The following PSPC1 variants were observed in gnomAD, a reference collection of about 807,000 sequenced individuals.
The protein encoded by PSPC1 is paraspeckle component 1.
A neutral mutation model predicts 51.6 loss-of-function variants in PSPC1; 14 were observed. That is an observed-to-expected ratio of 0.27 (90% confidence interval 0.18 to 0.42). The LOEUF is 0.42. Among genes scored for constraint, PSPC1 ranks in the 10% least tolerant of loss-of-function variants. PSPC1 has a pLI of 1.00. For missense variants in PSPC1, 406 were observed against 701.1 expected (o/e 0.58, Z 4.75); for synonymous variants, 193 against 231.9 (o/e 0.83, Z 1.53).
intron 6 of PSPC1, among the ~76,000 whole-genome samples, chr13:19,694,182 C>CAT (rs1290510885): frequency 1.4e-5 from 2 of 138,434 alleles, no homozygotes; most frequent in African/African-American, 5.8e-5. Context: ...CACACATACA[C>CAT]ACACACACAC....
chr13:19,751,177 C>G, intron 4 of PSPC1, 94 bp downstream of exon 4: 1 of 1,018,110 alleles, frequency 9.8e-7, no homozygotes, highest in East Asian at 2.9e-5. Context: ...CCTCTAAACT[C>G]CTAAATGGCA....
At chr13:19,672,546 T>G (rs996813582), downstream of PSPC1, 1 of 151,732 alleles carries the variant, frequency 6.6e-6, no homozygotes, top group Admixed American at 6.6e-5. Context: ...AACATTTGCT[T>G]ACAGCAAGGG....
intron 3 of PSPC1, among the ~76,000 whole-genome samples, chr13:19,756,904 C>T (rs1350287664): frequency 6.6e-6 from 1 of 151,792 alleles, no homozygotes; most frequent in Non-Finnish European, 1.5e-5. Context: ...CCAAGGCAGG[C>T]GGATCACAAG....
At chr13:19,707,299 C>T (rs1880811766) in intron 7 of PSPC1, among the ~76,000 whole-genome samples, 1 of 152,090 alleles carries the variant, frequency 6.6e-6, no homozygotes, top group Non-Finnish European at 1.5e-5. Flanking sequence ...AACTTAGAGC[C>T]TTACTTTTAG....
chr13:19,741,230 G>A (rs1159989209), intron 5 of PSPC1, among the ~76,000 whole-genome samples: 1 of 152,142 alleles, frequency 6.6e-6, no homozygotes, highest in East Asian at 1.9e-4. Flanking sequence ...GATATTCATA[G>A]TAGAGTTTTA....
chr13:19,709,541 C>G lies in PSPC1; in HGVS notation c.1216+1G>C. The G allele has an allele frequency of 6.2e-7, 1 of 1,610,888 alleles. No homozygotes were observed. Among genetic ancestry groups the G allele is most frequent in the Non-Finnish European group, 8.5e-7 (1 of 1,178,942 alleles). The stretch of plus-strand genomic sequence containing the variant: ...AAAAGCCTTTTGCTTCAAATCCCTA[C>G]CTCCCATGTTTATTGCTCCACGGGG... On this transcript the variant is annotated splice_donor_variant, in intron 7 of 8. Coordinates refer to ENST00000338910, the MANE Select transcript of PSPC1 (RefSeq NM_001354909.2). LOFTEE classifies it high-confidence loss of function.
chr13:19,713,354 C>A (rs1881675211), intron 6 of PSPC1, among the ~76,000 whole-genome samples: 1 of 151,998 alleles, frequency 6.6e-6, no homozygotes, highest in Non-Finnish European at 1.5e-5. Flanking sequence ...AGTAGGCCTA[C>A]TGTTACCTCA....
At chr13:19,707,312 T>C (rs1369285242) in intron 7 of PSPC1, among the ~76,000 whole-genome samples, 6 of 152,214 alleles carry the variant, frequency 3.9e-5, no homozygotes, top group Admixed American at 6.5e-5. Context: ...ACTTTTAGTA[T>C]TCACATCTTC....
At chr13:19,721,396 G>A (rs1047732186) in intron 6 of PSPC1, among the ~76,000 whole-genome samples, 2 of 152,044 alleles carry the variant, frequency 1.3e-5, no homozygotes, top group Admixed American at 1.3e-4. Context: ...GCTCAAAAAA[G>A]AGTTAACATT....
At chr13:19,704,458 C>T (rs1232649030) in intron 8 of PSPC1, among the ~76,000 whole-genome samples, 2 of 152,408 alleles carry the variant, frequency 1.3e-5, no homozygotes, top group East Asian at 1.9e-4. Context: ...TCTCTGATCA[C>T]GGTGGATTTA....
At chr13:19,742,185 G>A (rs1393789071) in intron 4 of PSPC1, among the ~76,000 whole-genome samples, 1 of 151,428 alleles carries the variant, frequency 6.6e-6, no homozygotes, top group Admixed American at 6.6e-5. Flanking sequence ...TCTTGGCTGG[G>A]CGCGGTGGCT....
At chr13:19,729,110 C>T (rs959724911) in intron 6 of PSPC1, among the ~76,000 whole-genome samples, 1 of 152,118 alleles carries the variant, frequency 6.6e-6, no homozygotes, top group Non-Finnish European at 1.5e-5. Context: ...CCAACTTACA[C>T]TCTAGCCAAA....
intron 6 of PSPC1, among the ~76,000 whole-genome samples, chr13:19,693,538 A>AAAAT (rs376612811): frequency 4.6e-5 from 7 of 152,234 alleles, no homozygotes; most frequent in Admixed American, 1.3e-4. Flanking sequence ...TAGAAGGAAT[A>AAAAT]AAATAAATAA....
Position 19,782,638 on chromosome 13 carries a change from AGCGAGCGCCATGGCTGCCGCGGCCGCC to A in PSPC1, c.93_119del (p.Ala32_Ala40del). 6.4e-7 allele frequency: 1 copy of A among 1,566,926 alleles called. No individual in the cohort carries two copies. The highest frequency in any genetic ancestry group is 8.6e-7 in the Non-Finnish European group (1 of 1,163,040). ...CGGGCGGTGCCGGCTCCCCGGCAAGAGCGAGCGCCATGGCTGCCGCGGCCGCCGGCTCGCTCTCGCCCACCGCGGACT... is the reference window on the plus strand; with the variant it reads ...CGGGCGGTGCCGGCTCCCCGGCAAGAGGCTCGCTCTCGCCCACCGCGGACT... On this transcript the variant is annotated inframe_deletion, in exon 1 of 9. Transcript: ENST00000338910. The surrounding 1 kb of genome is among the most constrained non-coding windows in gnomAD (Gnocchi z 4.5).
At chr13:19,731,420 G>C (rs1192583292) in intron 5 of PSPC1, among the ~76,000 whole-genome samples, 1 of 152,066 alleles carries the variant, frequency 6.6e-6, no homozygotes, top group Non-Finnish European at 1.5e-5. Context: ...TGTTGTTGTT[G>C]TTGTTGTTGT....
At chr13:19,749,700 G>C (rs368778926) in intron 4 of PSPC1, among the ~76,000 whole-genome samples, 1 of 149,482 alleles carries the variant, frequency 6.7e-6, no homozygotes, top group South Asian at 2.1e-4. Context: ...GTGCAGTGGC[G>C]TGATCTCGGC....
chr13:19,694,125 A>G (rs1249332970), intron 6 of PSPC1, among the ~76,000 whole-genome samples: 2 of 32,352 alleles, frequency 6.2e-5, no homozygotes, highest in African/African-American at 1.8e-4. Context: ...TCCATCTCAA[A>G]AAAAAAAAAA....
intron 2 of PSPC1, among the ~76,000 whole-genome samples, chr13:19,765,886 T>G (rs1275184690): frequency 6.6e-6 from 1 of 152,184 alleles, no homozygotes; most frequent in Non-Finnish European, 1.5e-5. Flanking sequence ...CAACAGGCAA[T>G]GGAAATATTA....
intron 1 of PSPC1, among the ~76,000 whole-genome samples, chr13:19,778,085 T>C (rs1038624962): frequency 6.6e-6 from 1 of 150,980 alleles, no homozygotes; most frequent in Non-Finnish European, 1.5e-5. Context: ...CTACTAAAAA[T>C]ACAAAAATTA....
Sources: allele counts gnomAD v4.1 joint callset (sites outside exome capture counted in the v4.1 genomes callset), GRCh38; gene constraint gnomAD v4.1.1; non-coding constraint Gnocchi (gnomAD v3.1); transcripts MANE v1.5; gene names NCBI Gene and HGNC (gene_info 2026-07-23, HGNC 2026-07-21).